The following UBE2H variants were observed in gnomAD, a reference collection of about 807,000 sequenced individuals.
UBE2H encodes the protein ubiquitin-conjugating enzyme E2 H.
Under a neutral mutation model 29.0 loss-of-function variants are expected in UBE2H, and 3 were observed. The observed-to-expected ratio is 0.10, with a 90% CI of 0.05 to 0.27. UBE2H has a LOEUF of 0.27. UBE2H is among the 10% of genes least tolerant of loss of function. The pLI is 1.00. For missense variants in UBE2H, 68 were observed against 228.2 expected (o/e 0.30, Z 4.52); for synonymous variants, 69 against 82.9 (o/e 0.83, Z 0.91).
chr7:129,838,409 C>T (rs1008729184), intron 6 of UBE2H, among the ~76,000 whole-genome samples: 4 of 152,176 alleles, frequency 2.6e-5, no homozygotes, highest in African/African-American at 9.6e-5. Flanking sequence ...AGAGAGGCCA[C>T]ACATTTTGAG....
At position 129,864,988 on chromosome 7, in the gene UBE2H, G is replaced by A. The variant is rs994565311; in HGVS notation, c.206-6047C>T. ...GGGGATGGGGAGGATCGTACAACAGGAATAAATGTCCAGCTAAAATGCTTA... is the reference window on the plus strand; with the variant it reads ...GGGGATGGGGAGGATCGTACAACAGAAATAAATGTCCAGCTAAAATGCTTA... On this transcript the variant is annotated intron_variant, in intron 3 of 6. Transcript: ENST00000355621. The A allele has an allele frequency of 2.0e-5, 8 of 399,818 alleles. No individual in the cohort carries two copies. The East Asian group carries it at 5.8e-4, about 29-fold the overall frequency. 24.8% of individuals were successfully genotyped at this position (399,818 alleles called of 1,614,324 possible).
chr7:129,934,638 T>TTTAAA (rs1554440987), intron 1 of UBE2H, among the ~76,000 whole-genome samples: 1 of 65,850 alleles, frequency 1.5e-5, no homozygotes, highest in Admixed American at 2.0e-4. Flanking sequence ...ACTCCGTCTT[T>TTTAAA]AAAAAAAAAA....
intron 5 of UBE2H, among the ~76,000 whole-genome samples, chr7:129,850,238 A>G (rs566157779): frequency 1.3e-4 from 20 of 152,190 alleles, no homozygotes; most frequent in South Asian, 4.1e-4. Context: ...GTGGTGGTGC[A>G]TGCCTGTAGT....
Position 129,833,453 on chromosome 7 carries a change from AAAATT to A in UBE2H, c.*1479_*1483del, listed in dbSNP as rs1175767901. The A allele has an allele frequency of 2.6e-5, 4 of 152,246 alleles. No individual in the cohort carries two copies. Among genetic ancestry groups the A allele is most frequent in the Non-Finnish European group, 5.9e-5 (4 of 68,038 alleles). 9.4% of individuals were successfully genotyped at this position (152,246 alleles called of 1,614,324 possible). A position where few individuals can be genotyped will look rare whatever the true frequency, so the allele number is the denominator to read the frequency against. On this transcript the variant is annotated 3_prime_UTR_variant, in exon 7 of 7. Coordinates refer to ENST00000355621, the MANE Select transcript of UBE2H (RefSeq NM_003344.4). The stretch of plus-strand genomic sequence containing the variant: ...AAAAAAGAACACAGAGCTGCTGTCT[AAAATT>A]TCTCCAAACTCCCCTCCGAGTTCAG...
chr7:129,936,185 A>C (rs188558679), intron 1 of UBE2H, among the ~76,000 whole-genome samples: 1 of 152,254 alleles, frequency 6.6e-6, no homozygotes, highest in South Asian at 2.1e-4. Context: ...TTTAAGAAAT[A>C]AAACTGCCAG....
At chr7:129,918,926 A>C (rs551791850) in intron 1 of UBE2H, among the ~76,000 whole-genome samples, 4 of 152,026 alleles carry the variant, frequency 2.6e-5, no homozygotes, top group Non-Finnish European at 5.9e-5. Flanking sequence ...CTACAAAAAA[A>C]TACAAAATTT....
intron 5 of UBE2H, among the ~76,000 whole-genome samples, chr7:129,851,136 G>A (rs1363963837): frequency 2.6e-5 from 4 of 152,194 alleles, no homozygotes; most frequent in African/African-American, 7.2e-5. Flanking sequence ...TTAAACTTCA[G>A]AGAGTTGCAG....
At chr7:129,850,542 G>A (rs1385386375) in intron 5 of UBE2H, among the ~76,000 whole-genome samples, 1 of 152,186 alleles carries the variant, frequency 6.6e-6, no homozygotes, top group Non-Finnish European at 1.5e-5. Context: ...CGCTGGCCTG[G>A]CGTGGTGGCA....
At chr7:129,881,370 G>T (rs1472683800) in intron 1 of UBE2H, among the ~76,000 whole-genome samples, 2 of 152,218 alleles carry the variant, frequency 1.3e-5, no homozygotes, top group African/African-American at 4.8e-5. Flanking sequence ...AAACTGGCCA[G>T]ACGCAGCGGC....
intron 5 of UBE2H, among the ~76,000 whole-genome samples, chr7:129,850,024 A>C (rs768313957): frequency 3.9e-5 from 6 of 152,186 alleles, no homozygotes; most frequent in African/African-American, 2.4e-5. Flanking sequence ...ACCTCCGAAA[A>C]GAAGTGGGAT....
intron 1 of UBE2H, among the ~76,000 whole-genome samples, chr7:129,882,087 C>T (rs1208612610): frequency 6.6e-6 from 1 of 152,204 alleles, no homozygotes; most frequent in Admixed American, 6.5e-5. Context: ...GGCTGTGCTC[C>T]CTTCCTCTAA....
intron 1 of UBE2H, among the ~76,000 whole-genome samples, chr7:129,892,006 G>GT (rs1294013536): frequency 7.1e-6 from 1 of 141,662 alleles, no homozygotes; most frequent in Non-Finnish European, 1.5e-5. Context: ...AGACTGGAGT[G>GT]TAGGGGTGTG....
At chr7:129,835,610 C>T (rs1044685453) in intron 6 of UBE2H, among the ~76,000 whole-genome samples, 5 of 152,158 alleles carry the variant, frequency 3.3e-5, no homozygotes, top group Middle Eastern at 3.2e-3. Flanking sequence ...TACGGAGACA[C>T]CACTCGGCTC....
intron 3 of UBE2H, 136 bp from the exon 4 acceptor site, chr7:129,859,077 T>C: frequency 1.5e-6 from 1 of 675,508 alleles, no homozygotes; most frequent in South Asian, 1.8e-5. Context: ...AGATCTTTCA[T>C]TACTGATAAA....
At chr7:129,930,844 G>A (rs889095097) in intron 1 of UBE2H, among the ~76,000 whole-genome samples, 2 of 142,690 alleles carry the variant, frequency 1.4e-5, no homozygotes, top group South Asian at 4.5e-4. Context: ...GGAGGCAGGG[G>A]TTGCAGTGAG....
chr7:129,952,646 C>T lies in UBE2H; in HGVS notation c.-91G>A. The T allele has an allele frequency of 6.7e-7, 1 of 1,502,076 alleles. No individual in the cohort carries two copies. Among genetic ancestry groups the T allele is most frequent in the South Asian group, 1.2e-5 (1 of 83,110 alleles). The allele number at this position is 1,502,076 out of a possible 1,614,324, so 93.0% of individuals were successfully genotyped here. A position where few individuals can be genotyped will look rare whatever the true frequency, so the allele number is the denominator to read the frequency against. Reference sequence around the variant, plus strand: ...GGAGCCCGCGGCCGCGCCGGCTCCTCGGTGGAGGTGGCAACACCCCCGCGG... The same window carrying T: ...GGAGCCCGCGGCCGCGCCGGCTCCTTGGTGGAGGTGGCAACACCCCCGCGG... On this transcript the variant is annotated 5_prime_UTR_variant, in exon 1 of 7. Transcript: ENST00000355621.
rs1805257636 is a variant in UBE2H, at chr7:129,832,942, C to T, written c.*1995G>A. On this transcript the variant is annotated 3_prime_UTR_variant, in exon 7 of 7. Transcript: ENST00000355621. Reference sequence around the variant, plus strand: ...GTTAGACAGTGCCAGCAGAGAGACCCTCCCTCCCCCAAAGCAATGAGAAGA... The same window carrying T: ...GTTAGACAGTGCCAGCAGAGAGACCTTCCCTCCCCCAAAGCAATGAGAAGA... 1 of 152,132 alleles carries T rather than the reference C, an allele frequency of 6.6e-6. No homozygotes were observed. The highest frequency in any genetic ancestry group is 6.5e-5 in the Admixed American group (1 of 15,268). 9.4% of individuals were successfully genotyped at this position (152,132 alleles called of 1,614,324 possible). A position where few individuals can be genotyped will look rare whatever the true frequency, so the allele number is the denominator to read the frequency against.
chr7:129,898,631 A>C (rs1806646137), intron 1 of UBE2H, among the ~76,000 whole-genome samples: 1 of 152,174 alleles, frequency 6.6e-6, no homozygotes, highest in East Asian at 1.9e-4. Context: ...AAAACTATTG[A>C]GTTTCCTTCT....
At chr7:129,946,514 C>T (rs10215972) in intron 1 of UBE2H, among the ~76,000 whole-genome samples, 51,816 of 152,012 alleles carry the variant, frequency 0.34, 8,833 homozygotes, top group Admixed American at 0.39. Context: ...TTAAGGCCAA[C>T]AGTTCTTAAA....
Sources: allele counts gnomAD v4.1 joint callset (sites outside exome capture counted in the v4.1 genomes callset), GRCh38; gene constraint gnomAD v4.1.1; transcripts MANE v1.5; gene names NCBI Gene and HGNC (gene_info 2026-07-23, HGNC 2026-07-21).